Variants in CD247 observed in about 807,000 individuals in gnomAD.
The protein encoded by CD247 is T-cell surface glycoprotein CD3 zeta chain.
In CD247, 13 loss-of-function variants were observed where a neutral mutation model predicts 30.0. The observed-to-expected ratio is 0.43, with a 90% CI of 0.28 to 0.69. The LOEUF is 0.69. Among genes scored for constraint, CD247 ranks in the 30% least tolerant of loss-of-function variants. CD247 has a pLI of 0.16. For synonymous variants in CD247, 72 were observed against 80.0 expected, an observed-to-expected ratio of 0.90 and a Z score of 0.53; for missense variants, 193 against 212.6, an observed-to-expected ratio of 0.91 and a Z score of 0.57.
intron 1 of CD247, among the ~76,000 whole-genome samples, chr1:167,477,017 A>G (rs1276734996): frequency 6.6e-6 from 1 of 152,224 alleles, no homozygotes; most frequent in Non-Finnish European, 1.5e-5. Context: ...ACATAGATGG[A>G]AGAGGCTATT....
chr1:167,461,004 C>T (rs542971573), intron 1 of CD247, among the ~76,000 whole-genome samples: 28 of 152,340 alleles, frequency 1.8e-4, no homozygotes, highest in Non-Finnish European at 3.1e-4. Context: ...CCAGCCCACG[C>T]GCTGTGAGCA....
At chr1:167,501,021 G>C (rs1249746698) in intron 1 of CD247, among the ~76,000 whole-genome samples, 1 of 151,206 alleles carries the variant, frequency 6.6e-6, no homozygotes, top group Admixed American at 6.6e-5. Flanking sequence ...GGTATATATG[G>C]ACCCAGCCAT....
intron 1 of CD247, among the ~76,000 whole-genome samples, chr1:167,446,855 C>T (rs1368425650): frequency 2.0e-5 from 3 of 152,256 alleles, no homozygotes; most frequent in Non-Finnish European, 2.9e-5. Context: ...ATTAGCCGGG[C>T]GTGGTGGCAG....
chr1:167,471,838 T>TC (rs1262355383), intron 1 of CD247, among the ~76,000 whole-genome samples: 2 of 147,300 alleles, frequency 1.4e-5, no homozygotes, highest in African/African-American at 2.5e-5. Context: ...TTTCTTTTTT[T>TC]TTTTTTTTTT....
intron 5 of CD247, 82 bp downstream of exon 5, chr1:167,435,305 CTCCTCCAGCCCT>C (rs1488982292): frequency 3.6e-5 from 30 of 839,580 alleles, no homozygotes; most frequent in Middle Eastern, 2.6e-4. Flanking sequence ...CTCTGGAGCC[CTCCTCCAGCCCT>C]TCCTCCAGCC....
intron 1 of CD247, among the ~76,000 whole-genome samples, chr1:167,510,853 A>G (rs1655356214): frequency 6.6e-6 from 1 of 152,222 alleles, no homozygotes; most frequent in Non-Finnish European, 1.5e-5. Context: ...CAGCACCTAC[A>G]GCCCATCACA....
chr1:167,474,225 G>C (rs999103339), intron 1 of CD247, among the ~76,000 whole-genome samples: 1 of 152,112 alleles, frequency 6.6e-6, no homozygotes, highest in Non-Finnish European at 1.5e-5. Context: ...GGGCTGGGAA[G>C]GGGGAGCCAG....
intron 1 of CD247, among the ~76,000 whole-genome samples, chr1:167,490,303 C>G (rs1432792171): frequency 6.6e-6 from 1 of 151,832 alleles, no homozygotes; most frequent in Admixed American, 6.5e-5. Context: ...TTTCTATCTT[C>G]CCCTCTCTAT....
intron 1 of CD247, among the ~76,000 whole-genome samples, chr1:167,441,385 C>T (rs1432652255): frequency 3.9e-5 from 6 of 152,122 alleles, no homozygotes; most frequent in Admixed American, 1.3e-4. Flanking sequence ...GTTTCATGGC[C>T]AACAGACAGA....
intron 1 of CD247, among the ~76,000 whole-genome samples, chr1:167,511,200 G>A (rs565605647): frequency 1.3e-5 from 2 of 152,250 alleles, no homozygotes; most frequent in African/African-American, 4.8e-5. Flanking sequence ...TGTGCGTGAC[G>A]GTGTGCTGTT....
rs945455785 is a variant in CD247, at chr1:167,494,709, C to T, written c.58+23699G>A. Among the ~76,000 whole-genome samples, 6 of 152,278 alleles carry T rather than the reference C, an allele frequency of 3.9e-5. No homozygotes were observed. Among genetic ancestry groups the T allele is most frequent in the South Asian group, 4.1e-4 (2 of 4,826 alleles). ...AAAAGATCATGAGTAGTGCATTCCT[C>T]GGCATTTTGTATCTCCTATAATTCC... is the stretch of plus-strand genomic sequence containing the variant. On this transcript the variant is annotated intron_variant, in intron 1 of 7. Coordinates refer to ENST00000362089, the MANE Select transcript of CD247 (RefSeq NM_198053.3). The surrounding 1 kb of genome is among the most constrained non-coding windows in gnomAD (Gnocchi z 7.3).
chr1:167,464,720 A>C (rs1251157742), intron 1 of CD247, among the ~76,000 whole-genome samples: 1 of 152,250 alleles, frequency 6.6e-6, no homozygotes, highest in East Asian at 1.9e-4. Context: ...TTTTGCCTGT[A>C]GTTTTTCTAG....
chr1:167,512,235 C>G (rs1655415782), intron 1 of CD247, among the ~76,000 whole-genome samples: 1 of 152,144 alleles, frequency 6.6e-6, no homozygotes, highest in South Asian at 2.1e-4. Flanking sequence ...AGCCGACGCA[C>G]AAGCAGAAGG....
At chr1:167,470,740 C>T (rs1571557026) in intron 1 of CD247, among the ~76,000 whole-genome samples, 2 of 151,278 alleles carry the variant, frequency 1.3e-5, no homozygotes, top group Non-Finnish European at 2.9e-5. Flanking sequence ...TGAGGTATTG[C>T]TATGTATAAT....
chr1:167,497,546 G>A (rs1654740493), intron 1 of CD247, among the ~76,000 whole-genome samples: 1 of 152,128 alleles, frequency 6.6e-6, no homozygotes, highest in Non-Finnish European at 1.5e-5. Context: ...ACTACTTTCA[G>A]GGGGAGCATT....
intron 1 of CD247, among the ~76,000 whole-genome samples, chr1:167,505,779 G>A (rs1011062288): frequency 2.6e-5 from 4 of 152,246 alleles, no homozygotes; most frequent in Non-Finnish European, 4.4e-5. Context: ...ATGATCCAAT[G>A]CCTTTTTGTA....
intron 1 of CD247, among the ~76,000 whole-genome samples, chr1:167,512,105 G>C (rs1405411826): frequency 6.6e-6 from 1 of 152,108 alleles, no homozygotes; most frequent in Non-Finnish European, 1.5e-5. Flanking sequence ...AAGCAAAGTG[G>C]ACAGTGCAAA....
intron 1 of CD247, among the ~76,000 whole-genome samples, chr1:167,507,578 A>G (rs115229453): frequency 1.4e-3 from 207 of 152,302 alleles, no homozygotes; most frequent in Non-Finnish European, 2.3e-3. Context: ...TTATTCCTGT[A>G]ATCCCAGCAC....
chr1:167,461,985 G>A (rs1653039784), intron 1 of CD247, among the ~76,000 whole-genome samples: 1 of 152,214 alleles, frequency 6.6e-6, no homozygotes, highest in Non-Finnish European at 1.5e-5. Context: ...CAGCAGGAGG[G>A]AGGTGTGCCT....
Sources: allele counts gnomAD v4.1 joint callset (sites outside exome capture counted in the v4.1 genomes callset), GRCh38; gene constraint gnomAD v4.1.1; non-coding constraint Gnocchi (gnomAD v3.1); transcripts MANE v1.5; gene names NCBI Gene and HGNC (gene_info 2026-07-23, HGNC 2026-07-21).